The following SLC35F4 variants were observed in gnomAD, a reference collection of about 807,000 sequenced individuals.
SLC35F4 encodes the protein solute carrier family 35 member F4.
Under a neutral mutation model 44.2 loss-of-function variants are expected in SLC35F4, and 24 were observed. The observed-to-expected ratio is 0.54, with a 90% confidence interval of 0.39 to 0.76. The LOEUF (loss-of-function observed/expected upper bound fraction) is 0.76. SLC35F4 is among the 30% of genes least tolerant of loss of function. The pLI is 0.00. For synonymous variants in SLC35F4, 238 were observed against 223.6 expected (o/e 1.06, Z -0.57); for missense variants, 562 against 586.1 (o/e 0.96, Z 0.42).
chr14:57,778,463 G>A (rs1378565688), intron 1 of SLC35F4, among the ~76,000 whole-genome samples: 1 of 151,778 alleles, frequency 6.6e-6, no homozygotes, highest in Non-Finnish European at 1.5e-5. Flanking sequence ...CAACACAGGA[G>A]CACCGAGATT....
intron 1 of SLC35F4, among the ~76,000 whole-genome samples, chr14:57,889,124 T>C (rs553111899): frequency 1.3e-5 from 2 of 152,340 alleles, no homozygotes; most frequent in Admixed American, 6.5e-5. Context: ...AGTTTAACCA[T>C]GTATTTAGCA....
rs1233421271 is a variant in SLC35F4, at chr14:57,865,941, G to T, written c.-116C>A. 3 of 608,850 alleles carry T rather than the reference G, an allele frequency of 4.9e-6. No individual in the cohort carries two copies. The highest frequency in any genetic ancestry group is 7.7e-6 in the Non-Finnish European group (3 of 389,454). The allele number at this position is 608,850 out of a possible 1,614,324, so 37.7% of individuals were successfully genotyped here. ...CTGATCTTGCAGCTCCTGCTCCCGC[G>T]CCCGGGCTCTGACTCCACCGCCCGG... On this transcript the variant is annotated 5_prime_UTR_variant, in exon 1 of 8. Transcript: ENST00000556826.
At chr14:57,876,802 G>T (rs1888408979) in intron 1 of SLC35F4, among the ~76,000 whole-genome samples, 1 of 152,088 alleles carries the variant, frequency 6.6e-6, no homozygotes, top group African/African-American at 2.4e-5. Context: ...TCAGATCAGG[G>T]ACCCCTTATT....
chr14:57,866,067 G>T lies in SLC35F4; in HGVS notation c.-242C>A, dbSNP rs1408686130. On this transcript the variant is annotated 5_prime_UTR_variant, in exon 1 of 8. Transcript: ENST00000556826. ...CGTCAGCCTGGCAGCTCTCCCGCGC[G>T]CCACCCGGAGCACTGCTGCCCGAAT... 10 of 264,586 alleles carry T rather than the reference G, an allele frequency of 3.8e-5. No individual in the cohort carries two copies. The highest frequency in any genetic ancestry group is 7.0e-6 in the Non-Finnish European group (1 of 143,592). The allele number at this position is 264,586 out of a possible 1,614,324, so 16.4% of individuals were successfully genotyped here. A position where few individuals can be genotyped will look rare whatever the true frequency, so the allele number is the denominator to read the frequency against.
chr14:57,962,567 C>T (rs565497384), intron 1 of SLC35F4, among the ~76,000 whole-genome samples: 5 of 152,172 alleles, frequency 3.3e-5, no homozygotes, highest in African/African-American at 4.8e-5. Flanking sequence ...TGGGGCTCCC[C>T]AGAGCTGTGC....
intron 1 of SLC35F4, among the ~76,000 whole-genome samples, chr14:57,835,257 G>T (rs2140945645): frequency 6.6e-6 from 1 of 152,290 alleles, no homozygotes; most frequent in Non-Finnish European, 1.5e-5. Context: ...GAAGGATACA[G>T]AGTCCAAGTA....
At chr14:57,883,026 G>A (rs10133467) in intron 1 of SLC35F4, among the ~76,000 whole-genome samples, 2 of 145,578 alleles carry the variant, frequency 1.4e-5, no homozygotes, top group South Asian at 4.3e-4. Context: ...AGGAGAGGAG[G>A]GGAGGGGAGA....
intron 1 of SLC35F4, among the ~76,000 whole-genome samples, chr14:57,753,296 CT>C (rs1056846629): frequency 6.0e-4 from 91 of 152,184 alleles, no homozygotes; most frequent in African/African-American, 1.6e-3. Context: ...TTTCCTTAGG[CT>C]GCCCAGTGAT....
intron 1 of SLC35F4, among the ~76,000 whole-genome samples, chr14:57,755,447 G>C (rs1480520740): frequency 6.6e-6 from 1 of 152,092 alleles, no homozygotes; most frequent in Non-Finnish European, 1.5e-5. Flanking sequence ...TTCAATGTGG[G>C]GTTGACAACT....
At chr14:57,659,630 T>C (rs1566735358) in intron 1 of SLC35F4, among the ~76,000 whole-genome samples, 1 of 152,126 alleles carries the variant, frequency 6.6e-6, no homozygotes, top group Non-Finnish European at 1.5e-5. Context: ...AGAGTTAGGA[T>C]TTAATCCTAG....
At chr14:57,658,875 G>A (rs1376903157) in intron 1 of SLC35F4, among the ~76,000 whole-genome samples, 1 of 152,086 alleles carries the variant, frequency 6.6e-6, no homozygotes, top group Non-Finnish European at 1.5e-5. Context: ...TACACCCCTT[G>A]TTCCCACATT....
At chr14:57,820,339 G>T (rs1344512756) in intron 1 of SLC35F4, among the ~76,000 whole-genome samples, 1 of 152,164 alleles carries the variant, frequency 6.6e-6, no homozygotes, top group Admixed American at 6.5e-5. Flanking sequence ...ATAAGAGTAG[G>T]CTGAAAAGAG....
At position 57,581,234 on chromosome 14, in the gene SLC35F4, C is replaced by A; in HGVS notation, c.787G>T (p.Asp263Tyr). The change falls in exon 4 of 8, where the codon GAC (aspartate) becomes TAC (tyrosine). Residue 263 changes from aspartate (D) to tyrosine (Y), a missense_variant. Physicochemically the swap from Asp to Tyr is radical, Grantham distance 160. Coordinates refer to ENST00000556826, the MANE Select transcript of SLC35F4 (RefSeq NM_001306087.2). ...ATTACCCTCACTCCCATGAACCTGT[C>A]TTTCAGCACAATCCATGACAGCAAG... is the stretch of plus-strand genomic sequence containing the variant. ...VFLLSWIVLK[D>Y]RFMGVRIVAA... 6.3e-7 allele frequency: 1 copy of A among 1,584,782 alleles called. No homozygotes were observed. The highest frequency in any genetic ancestry group is 1.2e-5 in the South Asian group (1 of 86,140).
chr14:57,652,928 A>G (rs1424552449), intron 1 of SLC35F4, among the ~76,000 whole-genome samples: 5 of 152,196 alleles, frequency 3.3e-5, no homozygotes, highest in African/African-American at 1.2e-4. Context: ...TTCACTAAGC[A>G]GTAATTTCTT....
At chr14:57,643,819 C>T (rs1002148234) in intron 1 of SLC35F4, among the ~76,000 whole-genome samples, 8 of 152,006 alleles carry the variant, frequency 5.3e-5, no homozygotes, top group Non-Finnish European at 8.8e-5. Flanking sequence ...TTCCTGTGTC[C>T]ATGTGTTCTC....
At chr14:57,693,826 G>C (rs915443773) in intron 1 of SLC35F4, among the ~76,000 whole-genome samples, 1 of 151,922 alleles carries the variant, frequency 6.6e-6, no homozygotes, top group African/African-American at 2.4e-5. Flanking sequence ...TGCTTAATCT[G>C]TGTAGGTTCT....
chr14:57,602,166 TAAA>T (rs35032895), intron 1 of SLC35F4, among the ~76,000 whole-genome samples: 3 of 145,714 alleles, frequency 2.1e-5, no homozygotes, highest in African/African-American at 2.5e-5. Context: ...GCCTGGATGG[TAAA>T]AAAAAAAAAA....
chr14:57,768,579 G>A (rs754237029), intron 1 of SLC35F4, among the ~76,000 whole-genome samples: 2 of 152,116 alleles, frequency 1.3e-5, no homozygotes, highest in Admixed American at 6.5e-5. Context: ...CCAAATTCTC[G>A]AAATAATTCT....
intron 1 of SLC35F4, among the ~76,000 whole-genome samples, chr14:57,768,396 G>A (rs2077283260): frequency 6.6e-6 from 1 of 152,164 alleles, no homozygotes; most frequent in African/African-American, 2.4e-5. Flanking sequence ...GAAAAGAGAT[G>A]TCTTTCCAAA....
Sources: gnomAD v4.1 joint callset for allele counts (sites outside exome capture counted in the v4.1 genomes callset) on GRCh38, gnomAD v4.1.1 for gene constraint, MANE v1.5 for transcripts, NCBI Gene and HGNC (gene_info 2026-07-23, HGNC 2026-07-21) for gene names.